The following ADAD1 variants were observed in gnomAD, a reference collection of about 807,000 sequenced individuals.
ADAD1 encodes the protein adenosine deaminase domain containing 1.
A neutral mutation model predicts 66.8 loss-of-function variants in ADAD1; 46 were observed. That is an observed-to-expected ratio of 0.69 (90% confidence interval 0.54 to 0.88). The LOEUF (loss-of-function observed/expected upper bound fraction) is 0.88. Ranked by LOEUF, ADAD1 falls within the 40% of genes least tolerant of loss-of-function variation. The pLI is 0.00. For synonymous variants in ADAD1, 248 were observed against 229.4 expected (o/e 1.08, Z -0.73); for missense variants, 617 against 681.8 (o/e 0.91, Z 1.06).
At chr4:122,412,922 A>G in intron 10 of ADAD1, 113 bp downstream of exon 10, 2 of 823,030 alleles carry the variant, frequency 2.4e-6, no homozygotes, top group Non-Finnish European at 3.8e-6. Flanking sequence ...ACTTTATTTA[A>G]GGTCAAAACA....
At position 122,407,867 on chromosome 4, in the gene ADAD1, G is replaced by A. The variant is rs754714576; in HGVS notation, c.725-41G>A. 3.1e-6 allele frequency: 5 copies of A among 1,600,646 alleles called. No homozygotes were observed. The African/African-American group carries it at 5.4e-5, about 17-fold the overall frequency. ...GTAAGAGGTGAATGTAGGGAAGAGA[G>A]AGGTTAAATTAACCTGCTACTGTCT... On this transcript the variant is annotated intron_variant, in intron 7 of 12. Coordinates refer to ENST00000296513, the MANE Select transcript of ADAD1 (RefSeq NM_139243.4).
intron 7 of ADAD1, among the ~76,000 whole-genome samples, chr4:122,400,732 G>T (rs565428154): frequency 1.3e-5 from 2 of 152,026 alleles, no homozygotes; most frequent in African/African-American, 4.8e-5. Context: ...AATCTAGGAG[G>T]GTTGTCTGTT....
rs184339490 is a variant in ADAD1, at chr4:122,401,457, G to A, written c.724+5080G>A. 1.2e-4 allele frequency among the ~76,000 whole-genome samples: 18 copies of A among 152,184 alleles called. No homozygotes were observed. In the East Asian group the frequency reaches 2.9e-3, roughly 24 times the overall value. ...AGAATATTCCAGGTGCTAATAAATAGAATGTATATTCTGCAGTTGTTGGAT... is the reference window on the plus strand; with the variant it reads ...AGAATATTCCAGGTGCTAATAAATAAAATGTATATTCTGCAGTTGTTGGAT... On this transcript the variant is annotated intron_variant, in intron 7 of 12. Transcript: ENST00000296513.
rs770351615 is a variant in ADAD1 at position 122,396,254 on chromosome 4, G to A, written c.601G>A (p.Gly201Arg). 3.2e-6 allele frequency: 5 copies of A among 1,575,016 alleles called. No individual in the cohort carries two copies. Among genetic ancestry groups the A allele is most frequent in the Non-Finnish European group, 4.3e-6 (5 of 1,164,640 alleles). ...LAYVSKVHYEGRHIQYAKISQ... is the reference protein window; with the variant it reads ...LAYVSKVHYERRHIQYAKISQ... ...TTTATGTTTTGATTTTTTTCTAGAA[G>A]GGAGACATATTCAATATGCAAAGAT... Residue 201 changes from glycine (G) to arginine (R), a missense_variant and splice_region_variant, in exon 7 of 13, where the codon GGG becomes AGG. Physicochemically the swap from Gly to Arg is moderately radical, Grantham distance 125 (BLOSUM62 -2). Coordinates refer to ENST00000296513, the MANE Select transcript of ADAD1 (RefSeq NM_139243.4).
chr4:122,414,284 G>C (rs113186341), intron 10 of ADAD1, among the ~76,000 whole-genome samples: 2 of 115,264 alleles, frequency 1.7e-5, no homozygotes, highest in East Asian at 5.3e-4. Context: ...TTGGGGGGGG[G>C]GGTACAACTA....
At chr4:122,422,121 CTTTTT>C (rs10713074) in intron 12 of ADAD1, among the ~76,000 whole-genome samples, 7 of 113,852 alleles carry the variant, frequency 6.1e-5, no homozygotes, top group African/African-American at 2.3e-4. Context: ...CATGAACATC[CTTTTT>C]TTTTTTTTTT....
At chr4:122,401,469 T>C (rs2150564145) in intron 7 of ADAD1, among the ~76,000 whole-genome samples, 1 of 152,312 alleles carries the variant, frequency 6.6e-6, no homozygotes, top group East Asian at 1.9e-4. Flanking sequence ...ATGTATATTC[T>C]GCAGTTGTTG....
intron 11 of ADAD1, 126 bp from the exon 12 acceptor site, chr4:122,421,135 A>G (rs560636541): frequency 3.1e-6 from 2 of 650,826 alleles, no homozygotes; most frequent in African/African-American, 3.8e-5. Context: ...TGTAAAAAAA[A>G]AATTACTATG....
At chr4:122,380,294 G>A in intron 3 of ADAD1, 53 bp downstream of exon 3, 2 of 1,551,688 alleles carry the variant, frequency 1.3e-6, no homozygotes, top group Non-Finnish European at 1.7e-6. Context: ...ATTCTAGGAT[G>A]GCCAGTAAGT....
chr4:122,379,340 A>G (rs1794753387), intron 1 of ADAD1, 32 bp from the exon 2 acceptor site: 1 of 152,348 alleles, frequency 6.6e-6, no homozygotes, highest in Non-Finnish European at 1.5e-5. Flanking sequence ...CCAGGCCTCG[A>G]ACGCCTGCGA....
At chr4:122,394,097 A>G (rs1477322210) in intron 6 of ADAD1, among the ~76,000 whole-genome samples, 1 of 152,186 alleles carries the variant, frequency 6.6e-6, no homozygotes, top group African/African-American at 2.4e-5. Flanking sequence ...ACCTAGGACC[A>G]GTTACTTCTC....
At chr4:122,411,449 T>G in intron 9 of ADAD1, 57 bp downstream of exon 9, 1 of 1,488,012 alleles carries the variant, frequency 6.7e-7, no homozygotes, top group Non-Finnish European at 9.2e-7. Context: ...CCATACATTC[T>G]GACTTTCTAC....
intron 7 of ADAD1, among the ~76,000 whole-genome samples, chr4:122,403,065 G>A (rs1190750730): frequency 6.6e-6 from 1 of 152,124 alleles, no homozygotes; most frequent in South Asian, 2.1e-4. Flanking sequence ...ACAGAATCTT[G>A]TTTTGTCATA....
chr4:122,429,488 A>G (rs757659831), intron 12 of ADAD1, 138 bp from the exon 13 acceptor site: 55 of 547,958 alleles, frequency 1.0e-4, no homozygotes, highest in Non-Finnish European at 1.7e-4. Context: ...TTTAGCTTCA[A>G]AAATATTAAA....
chr4:122,386,385 A>T lies in ADAD1; in HGVS notation c.529+2419A>T, dbSNP rs60333862. Among the ~76,000 whole-genome samples the T allele has an allele frequency of 7.5e-3, 1,142 of 152,184 alleles. 11 individuals carry two copies. The highest frequency in any genetic ancestry group is 0.029 in the South Asian group (139 of 4,818). On this transcript the variant is annotated intron_variant, in intron 5 of 12. Transcript: ENST00000296513. ...GTTCATATCTGTGGCCCACTTTTTG[A>T]TGGGATTGTTTTTTTCTTGTAAATA...
At chr4:122,416,749 A>G (rs1796755461) in intron 11 of ADAD1, among the ~76,000 whole-genome samples, 2 of 151,940 alleles carry the variant, frequency 1.3e-5, no homozygotes, top group African/African-American at 4.8e-5. Context: ...GGAAAAAAAA[A>G]AGAAAAAAAC....
intron 5 of ADAD1, among the ~76,000 whole-genome samples, chr4:122,391,968 C>T (rs1283964592): frequency 2.0e-5 from 3 of 152,144 alleles, no homozygotes; most frequent in Non-Finnish European, 4.4e-5. Flanking sequence ...ACTCAGCCTC[C>T]CAAAATGCTG....
intron 9 of ADAD1, among the ~76,000 whole-genome samples, 193 bp from the exon 10 acceptor site, chr4:122,412,387 A>G (rs1796506495): frequency 6.6e-6 from 1 of 152,022 alleles, no homozygotes; most frequent in African/African-American, 2.4e-5. Context: ...GATGTGGTTC[A>G]TTTCTGTTTT....
intron 11 of ADAD1, among the ~76,000 whole-genome samples, chr4:122,417,355 A>G (rs566086754): frequency 2.9e-4 from 44 of 151,900 alleles, no homozygotes; most frequent in African/African-American, 9.6e-4. Flanking sequence ...AAAAAAAAAA[A>G]AGCCAGAATA....
Sources: gnomAD v4.1 joint callset for allele counts (sites outside exome capture counted in the v4.1 genomes callset) on GRCh38, gnomAD v4.1.1 for gene constraint, MANE v1.5 for transcripts, NCBI Gene and HGNC (gene_info 2026-07-23, HGNC 2026-07-21) for gene names.